Variants in EEF1AKMT4 observed in about 807,000 individuals in gnomAD.
EEF1AKMT4 encodes EEF1A lysine methyltransferase 4.
In EEF1AKMT4, 17 loss-of-function variants were observed where a neutral mutation model predicts 23.0. That is an observed-to-expected ratio of 0.74 (90% CI 0.51 to 1.11). The LOEUF is 1.11. Among genes scored for constraint, EEF1AKMT4 ranks in the 50% least tolerant of loss-of-function variants. EEF1AKMT4 has a pLI of 0.00. For synonymous variants in EEF1AKMT4, 140 were observed against 141.4 expected (o/e 0.99, Z 0.07); for missense variants, 318 against 333.4 (o/e 0.95, Z 0.36).
At chr3:184,250,275 A>G (rs1429323038) in intron 1 of EEF1AKMT4, among the ~76,000 whole-genome samples, 1 of 152,258 alleles carries the variant, frequency 6.6e-6, no homozygotes, top group Non-Finnish European at 1.5e-5. Context: ...ATTCAGTTCT[A>G]GAAATGGTAC....
intron 2 of EEF1AKMT4, 141 bp downstream of exon 2, chr3:184,257,897 G>C (rs1472233759): frequency 2.1e-5 from 22 of 1,068,552 alleles, no homozygotes; most frequent in East Asian, 2.5e-5. Context: ...GCTCTCTGAA[G>C]GGAGGGAAGG....
In EEF1AKMT4 at chr3:184,249,704, C is replaced by G. The variant is rs1454462053; in HGVS notation, c.10C>G (p.Pro4Ala). Residue 4 changes from proline (P) to alanine (A), a missense_variant, in exon 1 of 3, where the codon CCA becomes GCA. Physicochemically the swap from Pro to Ala is conservative, Grantham distance 27 (BLOSUM62 -1). Transcript: ENST00000324557. ...CCCGGCGGTTGAGAGCATGGCCTCT[C>G]CAGGGGCAGGTAGGGCGCCTCCGGA... MAS[P>A]GAGRAPPELP... 1 of 1,606,606 alleles carries G rather than the reference C, an allele frequency of 6.2e-7. No individual in the cohort carries two copies. The highest frequency in any genetic ancestry group is 8.5e-7 in the Non-Finnish European group (1 of 1,175,578).
In EEF1AKMT4 at chr3:184,257,515, G is replaced by T. The variant is rs1719865769; in HGVS notation, c.239G>T (p.Gly80Val). ...CTGAGCTACGAGCTGTTCCTCGGAG[G>T]CTTCCCTAATGTGACCAGTGTGGAC... is the stretch of plus-strand genomic sequence containing the variant. Reference protein sequence around the residue: ...SALSYELFLGGFPNVTSVDYS... With the variant: ...SALSYELFLGVFPNVTSVDYS... The change falls in exon 2 of 3, where the codon GGC becomes GTC. Residue 80 changes from glycine (G) to valine (V), a missense_variant. Physicochemically the swap from Gly to Val is moderately radical, Grantham distance 109 (BLOSUM62 -3). Transcript: ENST00000324557. The T allele has an allele frequency of 6.2e-7, 1 of 1,611,872 alleles. No homozygotes were observed. The highest frequency in any genetic ancestry group is 1.3e-5 in the African/African-American group (1 of 74,910).
In EEF1AKMT4 at chr3:184,258,607, A is replaced by G. The variant is rs753431921; in HGVS notation, c.*32A>G. On this transcript the variant is annotated 3_prime_UTR_variant, in exon 3 of 3. Coordinates refer to ENST00000324557, the MANE Select transcript of EEF1AKMT4 (RefSeq NM_032331.4). The stretch of plus-strand genomic sequence containing the variant: ...AGCATGGTCCTCCACCCTTCCTGCC[A>G]TTCTGCCCTGGGCTCCTCAGGTAGT... 24 of 1,535,300 alleles carry G rather than the reference A, an allele frequency of 1.6e-5. No individual in the cohort carries two copies. Among genetic ancestry groups the G allele is most frequent in the Non-Finnish European group, 2.0e-5 (23 of 1,141,472 alleles).
In EEF1AKMT4 at chr3:184,249,801, C is replaced by T; in HGVS notation, c.107C>T (p.Ser36Phe). Residue 36 changes from serine to phenylalanine, a missense_variant, in exon 1 of 3, where the codon TCT becomes TTT. Coordinates refer to ENST00000324557, the MANE Select transcript of EEF1AKMT4 (RefSeq NM_032331.4). ...CAGCGCTACCAAGGCGCAGCCGATT[C>T]TGCCCCCTACGATTGGTTCGGGGAC... ...WDQRYQGAAD[S>F]APYDWFGDFS... 6.2e-7 allele frequency: 1 copy of T among 1,613,398 alleles called. No homozygotes were observed. The highest frequency in any genetic ancestry group is 8.5e-7 in the Non-Finnish European group (1 of 1,180,006).
Position 184,251,504 on chromosome 3 carries a change from G to A in EEF1AKMT4, c.196+1614G>A, listed in dbSNP as rs183102459. 3.3e-5 allele frequency among the ~76,000 whole-genome samples: 5 copies of A among 152,050 alleles called. No individual in the cohort carries two copies. The East Asian group carries it at 9.7e-4, about 29-fold the overall frequency. ...GCTGAGATTGCACCACTCCACTCCA[G>A]CCTGGGTGACAGAGTAAGACCCTGT... is the stretch of plus-strand genomic sequence containing the variant. On this transcript the variant is annotated intron_variant, in intron 1 of 2. Coordinates refer to ENST00000324557, the MANE Select transcript of EEF1AKMT4 (RefSeq NM_032331.4).
In EEF1AKMT4 at chr3:184,258,182, G is replaced by A. The variant is rs966159279; in HGVS notation, c.481-106G>A. 104 of 1,056,954 alleles carry A rather than the reference G, an allele frequency of 9.8e-5. 1 individual carries two copies. Among genetic ancestry groups the A allele is most frequent in the Non-Finnish European group, 3.0e-5 (22 of 723,058 alleles). 65.5% of individuals were successfully genotyped at this position (1,056,954 alleles called of 1,614,324 possible). ...GCCATGGAAAGCCTGAGCTACAGAT[G>A]TGGGGTGGTTCCTGAGGTTTGACTG... On this transcript the variant is annotated intron_variant, in intron 2 of 2. Coordinates refer to ENST00000324557, the MANE Select transcript of EEF1AKMT4 (RefSeq NM_032331.4).
Position 184,258,477 on chromosome 3 carries a change from C to G in EEF1AKMT4, c.670C>G (p.Leu224Val), listed in dbSNP as rs1056305. Residue 224 changes from leucine to valine, a missense_variant, in exon 3 of 3, where the codon CTG (leucine) becomes GTG (valine). Leu to Val is a conservative substitution (Grantham distance 32). Transcript: ENST00000324557. Reference protein sequence around the residue: ...GGKLSVAQLALGAQILSPPRP... With the variant: ...GGKLSVAQLAVGAQILSPPRP... ...GAAGCTCAGTGTGGCCCAGCTGGCT[C>G]TGGGGGCCCAAATCCTCTCACCCCC... 6.2e-7 allele frequency: 1 copy of G among 1,613,874 alleles called. No individual in the cohort carries two copies. Among genetic ancestry groups the G allele is most frequent in the South Asian group, 1.1e-5 (1 of 91,090 alleles).
chr3:184,257,342 T>C lies in EEF1AKMT4; in HGVS notation c.197-131T>C, dbSNP rs373292381. The C allele has an allele frequency of 4.3e-5, 40 of 930,892 alleles. 1 individual carries two copies. Among genetic ancestry groups the C allele is most frequent in the East Asian group, 2.9e-4 (11 of 37,954 alleles). 57.7% of individuals were successfully genotyped at this position (930,892 alleles called of 1,614,324 possible). A position where few individuals can be genotyped will look rare whatever the true frequency, so the allele number is the denominator to read the frequency against. On this transcript the variant is annotated intron_variant, in intron 1 of 2. Coordinates refer to ENST00000324557, the MANE Select transcript of EEF1AKMT4 (RefSeq NM_032331.4). The stretch of plus-strand genomic sequence containing the variant: ...TCCAAGGCTTGTGCTTTTTCTGCAC[T>C]CTGCCACCTCCTCTCAGTACTAGAG...
chr3:184,258,748 A>G lies in EEF1AKMT4; in HGVS notation c.*173A>G, dbSNP rs1719925748. 4 of 1,305,830 alleles carry G rather than the reference A, an allele frequency of 3.1e-6. No individual in the cohort carries two copies. The highest frequency in any genetic ancestry group is 6.0e-5 in the East Asian group (2 of 33,294). The allele number at this position is 1,305,830 out of a possible 1,614,324, so 80.9% of individuals were successfully genotyped here. On this transcript the variant is annotated 3_prime_UTR_variant, in exon 3 of 3. Transcript: ENST00000324557. ...CATGAACCAATACAGCCCAGCTCCA[A>G]CTAGATCCAGATTCCAGGTTTCTTG...
chr3:184,254,660 C>T (rs993389737), intron 1 of EEF1AKMT4, among the ~76,000 whole-genome samples: 10 of 149,278 alleles, frequency 6.7e-5, no homozygotes, highest in African/African-American at 1.7e-4. Context: ...TTGCAATGAG[C>T]GGAGATCAAG....
At position 184,257,759 on chromosome 3, in the gene EEF1AKMT4, G is replaced by C. The variant is rs1308574404; in HGVS notation, c.480+3G>C. 6.2e-7 allele frequency: 1 copy of C among 1,607,806 alleles called. No homozygotes were observed. The highest frequency in any genetic ancestry group is 1.7e-5 in the Admixed American group (1 of 59,816). ...CTGTGGACCAGGTGTTGAGTGAGGT[G>C]AGGGAGCAACAAGAGAGGAAAGCAG... On this transcript the variant is annotated splice_donor_region_variant and intron_variant, in intron 2 of 2. Transcript: ENST00000324557.
At chr3:184,258,137 G>T in intron 2 of EEF1AKMT4, 151 bp from the exon 3 acceptor site, 1 of 778,740 alleles carries the variant, frequency 1.3e-6, no homozygotes, top group Middle Eastern at 3.8e-4. Context: ...GCCAGGGGCA[G>T]AGAAAGTGGC....
intron 1 of EEF1AKMT4, among the ~76,000 whole-genome samples, chr3:184,254,541 A>T (rs993413485): frequency 8.2e-6 from 1 of 122,600 alleles, no homozygotes; most frequent in Non-Finnish European, 1.8e-5. Context: ...CGTCTCTACT[A>T]AAAAAAAAAA....
chr3:184,256,025 T>C (rs1303055796), intron 1 of EEF1AKMT4, among the ~76,000 whole-genome samples: 1 of 152,144 alleles, frequency 6.6e-6, no homozygotes, highest in Non-Finnish European at 1.5e-5. Flanking sequence ...GGCTCATGCC[T>C]ATAATTCCAG....
Position 184,257,455 on chromosome 3 carries a change from C to A in EEF1AKMT4, c.197-18C>A. 2 of 1,584,956 alleles carry A rather than the reference C, an allele frequency of 1.3e-6. No individual in the cohort carries two copies. Among genetic ancestry groups the A allele is most frequent in the South Asian group, 2.3e-5 (2 of 87,986 alleles). On this transcript the variant is annotated intron_variant, in intron 1 of 2. Coordinates refer to ENST00000324557, the MANE Select transcript of EEF1AKMT4 (RefSeq NM_032331.4). ...AAACTAACGTAGCTCTTTTGCTACC[C>A]ATTCCCTCCCACCCCAGGTTGCGGG...
chr3:184,258,460 G>T lies in EEF1AKMT4; in HGVS notation c.653G>T (p.Ser218Ile). The T allele has an allele frequency of 6.2e-7, 1 of 1,613,876 alleles. No individual in the cohort carries two copies. The highest frequency in any genetic ancestry group is 8.5e-7 in the Non-Finnish European group (1 of 1,179,898). ...LYLMHKGGKL[S>I]VAQLALGAQI... ...CTCATGCACAAGGGCGGGAAGCTCA[G>T]TGTGGCCCAGCTGGCTCTGGGGGCC... Residue 218 changes from serine (S) to isoleucine (I), a missense_variant, in exon 3 of 3, where the codon AGT becomes ATT. Physicochemically the swap from Ser to Ile is moderately radical, Grantham distance 142 (BLOSUM62 -2). Transcript: ENST00000324557.
chr3:184,252,200 A>C (rs1344785174), intron 1 of EEF1AKMT4, among the ~76,000 whole-genome samples: 2 of 152,198 alleles, frequency 1.3e-5, no homozygotes, highest in Non-Finnish European at 2.9e-5. Context: ...GGTGATTGGC[A>C]GAGTAACACT....
chr3:184,249,982 T>A, intron 1 of EEF1AKMT4, 92 bp downstream of exon 1: 2 of 1,424,708 alleles, frequency 1.4e-6, no homozygotes, highest in South Asian at 2.6e-5. Flanking sequence ...CGCCTGTCTA[T>A]CCCTCTTGGA....
Sources: allele counts gnomAD v4.1 joint callset (sites outside exome capture counted in the v4.1 genomes callset), GRCh38; gene constraint gnomAD v4.1.1; transcripts MANE v1.5; gene names NCBI Gene and HGNC (gene_info 2026-07-23, HGNC 2026-07-21).